The following BRD3 variants were observed in gnomAD, a reference collection of about 807,000 sequenced individuals.
BRD3 encodes the protein bromodomain containing 3.
Under a neutral mutation model 66.8 loss-of-function variants are expected in BRD3, and 17 were observed. That is an observed-to-expected ratio of 0.25 (90% CI 0.17 to 0.38). The LOEUF (loss-of-function observed/expected upper bound fraction) is 0.38, where lower values mean the gene tolerates loss of function less well. Among genes scored for constraint, BRD3 ranks in the 10% least tolerant of loss-of-function variants. BRD3 has a pLI of 1.00. For missense variants in BRD3, 713 were observed against 956.1 expected (o/e 0.75, Z 3.35); for synonymous variants, 421 against 393.2 (o/e 1.07, Z -0.84).
At chr9:134,038,460 C>T (rs892928231) in intron 9 of BRD3, among the ~76,000 whole-genome samples, 3 of 152,008 alleles carry the variant, frequency 2.0e-5, no homozygotes, top group Admixed American at 6.6e-5. Context: ...CCAACCAACA[C>T]TTTTTTTTGT....
intron 10 of BRD3, 80 bp downstream of exon 10, chr9:134,035,952 G>A (rs571661867): frequency 2.1e-4 from 319 of 1,514,844 alleles, no homozygotes; most frequent in Non-Finnish European, 2.5e-4. Context: ...CGCCGCACAG[G>A]GTCCGTGAGG....
rs1843499665 is a variant in BRD3 at position 134,030,727 on chromosome 9, AAC to A, written c.*2861_*2862del. 1 of 231,778 alleles carries A rather than the reference AAC, an allele frequency of 4.3e-6. No homozygotes were observed. The highest frequency in any genetic ancestry group is 6.1e-5 in the East Asian group (1 of 16,456). The allele number at this position is 231,778 out of a possible 1,614,324, so 14.4% of individuals were successfully genotyped here. On this transcript the variant is annotated 3_prime_UTR_variant, in exon 12 of 12. Coordinates refer to ENST00000303407, the MANE Select transcript of BRD3 (RefSeq NM_007371.4). ...CTGCAAAAGAACAACAACAAAAACAAACACACAAAAAAATGTGTCTTACAGTT... is the reference window on the plus strand; with the variant it reads ...CTGCAAAAGAACAACAACAAAAACAAACACAAAAAAATGTGTCTTACAGTT...
chr9:134,062,819 G>T (rs1830572554), intron 1 of BRD3, among the ~76,000 whole-genome samples: 1 of 152,222 alleles, frequency 6.6e-6, no homozygotes, highest in African/African-American at 2.4e-5. Context: ...GGGCAGGAGA[G>T]CCACGACTCA....
chr9:134,061,070 G>A (rs1010155218), intron 1 of BRD3, among the ~76,000 whole-genome samples: 1 of 152,274 alleles, frequency 6.6e-6, no homozygotes, highest in African/African-American at 2.4e-5. Flanking sequence ...AGAAATGCCA[G>A]TAGCAGTCTC....
intron 5 of BRD3, among the ~76,000 whole-genome samples, chr9:134,049,390 G>A (rs182012792): frequency 1.4e-4 from 22 of 152,332 alleles, no homozygotes; most frequent in African/African-American, 4.6e-4. Context: ...GGCACCTGCC[G>A]TCTAGAGAGC....
At chr9:134,046,709 C>T (rs1404542114) in intron 6 of BRD3, among the ~76,000 whole-genome samples, 3 of 152,230 alleles carry the variant, frequency 2.0e-5, no homozygotes, top group Non-Finnish European at 4.4e-5. Flanking sequence ...CCCTTTTCCG[C>T]AGCGTCCGGG....
At position 134,036,037 on chromosome 9, in the gene BRD3, G is replaced by A. The variant is rs770029661; in HGVS notation, c.1931C>T (p.Pro644Leu). 3.1e-6 allele frequency: 5 copies of A among 1,599,912 alleles called. No individual in the cohort carries two copies. Among genetic ancestry groups the A allele is most frequent in the African/African-American group, 2.7e-5 (2 of 74,378 alleles). The change falls in exon 10 of 12, where the codon CCG becomes CTG. Residue 644 changes from proline to leucine, a missense_variant. By Grantham distance (98) the Pro-to-Leu change is moderately conservative. Transcript: ENST00000303407. Reference protein sequence around the residue: ...KSCLQKKQRKPFSASGKKQAA... With the variant: ...KSCLQKKQRKLFSASGKKQAA... ...GCTCCACGCAGGCAACTTACAGAAC[G>A]GTTTCCTTTGCTTTTTCTGTAAACA...
intron 6 of BRD3, among the ~76,000 whole-genome samples, chr9:134,046,190 T>G (rs937405265): frequency 6.6e-6 from 1 of 152,142 alleles, no homozygotes; most frequent in Non-Finnish European, 1.5e-5. Flanking sequence ...TCCCCAGAGC[T>G]GGGAGGTGCA....
At chr9:134,058,536 G>C (rs1038125736) in intron 1 of BRD3, 1 of 152,312 alleles carries the variant, frequency 6.6e-6, no homozygotes, top group South Asian at 2.1e-4. Flanking sequence ...CCCCAGGCCA[G>C]AGCCTGACCA....
At chr9:134,040,908 A>G (rs1240287103) in intron 8 of BRD3, among the ~76,000 whole-genome samples, 1 of 151,754 alleles carries the variant, frequency 6.6e-6, no homozygotes, top group Admixed American at 6.6e-5. Context: ...CACTGCAGCC[A>G]CCTCCATGGG....
intron 4 of BRD3, among the ~76,000 whole-genome samples, chr9:134,050,995 C>T (rs1053441856): frequency 6.6e-6 from 1 of 152,206 alleles, no homozygotes; most frequent in Non-Finnish European, 1.5e-5. Context: ...CGCGACGGCC[C>T]GTGGCCCTGG....
At position 134,050,490 on chromosome 9, in the gene BRD3, G is replaced by C. The variant is rs769998169; in HGVS notation, c.598C>G (p.Pro200Ala). Residue 200 changes from proline (P) to alanine (A), a missense_variant, in exon 5 of 12, where the codon CCT becomes GCT. This residue lies in a region of BRD3 where 120 missense variants were observed against 122.8 expected (regional missense o/e 0.98). Transcript: ENST00000303407. Reference sequence around the variant, plus strand: ...ACGTTTGCAGTGATGGTTGGTACAGGGGTGGCAGCGATGACGGGCGTCTGG... The same window carrying C: ...ACGTTTGCAGTGATGGTTGGTACAGCGGTGGCAGCGATGACGGGCGTCTGG... ...VSQTPVIAAT[P>A]VPTITANVTS... is the part of the protein sequence containing the mutation. The C allele has an allele frequency of 1.2e-6, 2 of 1,610,304 alleles. No individual in the cohort carries two copies. Among genetic ancestry groups the C allele is most frequent in the East Asian group, 2.2e-5 (1 of 44,808 alleles).
chr9:134,061,823 A>G (rs1156909301), intron 1 of BRD3, among the ~76,000 whole-genome samples: 1 of 152,100 alleles, frequency 6.6e-6, no homozygotes, highest in East Asian at 1.9e-4. Flanking sequence ...ACAGCCCCAG[A>G]ATTCTCGGGA....
chr9:134,038,173 G>C (rs1416931433), intron 9 of BRD3, among the ~76,000 whole-genome samples: 1 of 151,962 alleles, frequency 6.6e-6, no homozygotes, highest in African/African-American at 2.4e-5. Context: ...TTTTTTCTCT[G>C]AGGCCAAGTC....
At chr9:134,060,561 C>A (rs1251815996) in intron 1 of BRD3, among the ~76,000 whole-genome samples, 1 of 150,656 alleles carries the variant, frequency 6.6e-6, no homozygotes, top group Admixed American at 6.6e-5. Flanking sequence ...TGCTGCACTC[C>A]AGCCTGGATG....
intron 1 of BRD3, among the ~76,000 whole-genome samples, chr9:134,064,017 G>C (rs1046924063): frequency 1.3e-5 from 2 of 152,180 alleles, no homozygotes; most frequent in Non-Finnish European, 2.9e-5. Flanking sequence ...ACCAGGCTCC[G>C]AAGGCCCTGT....
At chr9:134,049,159 G>A (rs1289701070) in intron 5 of BRD3, among the ~76,000 whole-genome samples, 1 of 152,168 alleles carries the variant, frequency 6.6e-6, no homozygotes, top group African/African-American at 2.4e-5. Context: ...CCTGGGGACG[G>A]AGCCAGGCAC....
Position 134,033,552 on chromosome 9 carries a change from G to T in BRD3, c.*38C>A. ...GAGGGGTACGGCAGAGTCTCGGCGT[G>T]TGCGACATCCATCTGTCCTGTTCTG... On this transcript the variant is annotated 3_prime_UTR_variant, in exon 12 of 12. Coordinates refer to ENST00000303407, the MANE Select transcript of BRD3 (RefSeq NM_007371.4). The surrounding 1 kb of genome is among the most constrained non-coding windows in gnomAD (Gnocchi z 5.1). 1 of 717,430 alleles carries T rather than the reference G, an allele frequency of 1.4e-6. No individual in the cohort carries two copies. Among genetic ancestry groups the T allele is most frequent in the Non-Finnish European group, 2.6e-6 (1 of 380,994 alleles). The allele number at this position is 717,430 out of a possible 1,614,324, so 44.4% of individuals were successfully genotyped here. A position where few individuals can be genotyped will look rare whatever the true frequency, so the allele number is the denominator to read the frequency against.
Position 134,048,460 on chromosome 9 carries a change from A to T in BRD3, c.715-6T>A. ...TTCCGCTTCACGCCCTTTTTCTGCG[A>T]CAGTGAAATAACCAGTGAACCCCGG... On this transcript the variant is annotated splice_region_variant and splice_polypyrimidine_tract_variant and intron_variant, in intron 5 of 11. Coordinates refer to ENST00000303407, the MANE Select transcript of BRD3 (RefSeq NM_007371.4). 6.3e-7 allele frequency: 1 copy of T among 1,598,338 alleles called. No homozygotes were observed. The highest frequency in any genetic ancestry group is 8.5e-7 in the Non-Finnish European group (1 of 1,179,866).
Sources: allele counts gnomAD v4.1 joint callset (sites outside exome capture counted in the v4.1 genomes callset), GRCh38; gene constraint gnomAD v4.1.1; regional missense constraint gnomAD v4.1.1; non-coding constraint Gnocchi (gnomAD v3.1); transcripts MANE v1.5; gene names NCBI Gene and HGNC (gene_info 2026-07-23, HGNC 2026-07-21).